The following DNAAF11 variants were observed in gnomAD, a reference collection of about 807,000 sequenced individuals.
The protein encoded by DNAAF11 is leucine rich repeat containing 6.
Under a neutral mutation model 60.8 loss-of-function variants are expected in DNAAF11, and 45 were observed. That is an observed-to-expected ratio of 0.74 (90% CI 0.58 to 0.95). The LOEUF is 0.95. Among genes scored for constraint, DNAAF11 ranks in the 40% least tolerant of loss-of-function variants. DNAAF11 has a pLI of 0.00. For synonymous variants in DNAAF11, 191 were observed against 183.5 expected (o/e 1.04, Z -0.33); for missense variants, 546 against 546.2 (o/e 1.00, Z 0.00).
chr8:132,656,113 A>C (rs1186657716), intron 3 of DNAAF11, among the ~76,000 whole-genome samples: 1 of 152,252 alleles, frequency 6.6e-6, no homozygotes, highest in Non-Finnish European at 1.5e-5. Flanking sequence ...GTCCATCTGC[A>C]GACAGATGGT....
the DNAAF11 span, among the ~76,000 whole-genome samples, chr8:132,683,519 C>A: frequency 2.6e-5 from 4 of 152,104 alleles, no homozygotes; most frequent in South Asian, 6.2e-4. Context: ...GGTCTTCTGG[C>A]CTGTTTTCTT....
At chr8:132,617,236 G>A (rs528485559) in intron 7 of DNAAF11, among the ~76,000 whole-genome samples, 1 of 152,262 alleles carries the variant, frequency 6.6e-6, no homozygotes, top group African/African-American at 2.4e-5. Context: ...TTTGGTGAGA[G>A]CCATGAAGAG....
chr8:132,643,308 C>T (rs1822041917), intron 3 of DNAAF11: 1 of 195,912 alleles, frequency 5.1e-6, no homozygotes, highest in Admixed American at 5.4e-5. Flanking sequence ...TTCTGTGGAA[C>T]ACATACTTAA....
chr8:132,627,656 T>C (rs199608768), intron 5 of DNAAF11, among the ~76,000 whole-genome samples: 307 of 152,276 alleles, frequency 2.0e-3, no homozygotes, highest in Non-Finnish European at 3.6e-3. Flanking sequence ...TGTTCCAGAT[T>C]GGGGTGTGCA....
intron 3 of DNAAF11, among the ~76,000 whole-genome samples, chr8:132,648,933 G>A (rs1822701140): frequency 6.6e-6 from 1 of 152,148 alleles, no homozygotes; most frequent in Non-Finnish European, 1.5e-5. Flanking sequence ...TGGCCATACT[G>A]CCCAAGGCAA....
At chr8:132,664,794 G>T (rs183613039) in intron 1 of DNAAF11, among the ~76,000 whole-genome samples, 4 of 152,178 alleles carry the variant, frequency 2.6e-5, no homozygotes, top group Admixed American at 2.6e-4. Context: ...GGTATTACGT[G>T]TGTAAAACCA....
intron 2 of DNAAF11, among the ~76,000 whole-genome samples, chr8:132,660,431 C>T (rs888503469): frequency 6.6e-6 from 1 of 152,182 alleles, no homozygotes; most frequent in Non-Finnish European, 1.5e-5. Context: ...AAGTAACTGA[C>T]TTGTCAAATT....
chr8:132,688,342 T>C, the DNAAF11 span, among the ~76,000 whole-genome samples: 7 of 152,326 alleles, frequency 4.6e-5, no homozygotes, highest in South Asian at 6.2e-4. Context: ...TCTGCCTACC[T>C]GGCATCCATT....
intron 9 of DNAAF11, among the ~76,000 whole-genome samples, chr8:132,611,036 G>A (rs896112939): frequency 2.0e-5 from 3 of 151,884 alleles, no homozygotes; most frequent in Admixed American, 6.6e-5. Context: ...CTGGGATTAC[G>A]GGCATGAGCC....
At chr8:132,645,039 G>A (rs992320360) in intron 3 of DNAAF11, among the ~76,000 whole-genome samples, 1 of 152,190 alleles carries the variant, frequency 6.6e-6, no homozygotes, top group African/African-American at 2.4e-5. Context: ...GCCTCCTCAA[G>A]TGGGTCCCTG....
At chr8:132,605,690 G>T (rs1818055779) in intron 10 of DNAAF11, among the ~76,000 whole-genome samples, 1 of 152,182 alleles carries the variant, frequency 6.6e-6, no homozygotes, top group African/African-American at 2.4e-5. Flanking sequence ...AGGAACAGGG[G>T]ATACAGAATG....
At chr8:132,668,708 C>T (rs2130867346) in intron 1 of DNAAF11, among the ~76,000 whole-genome samples, 1 of 152,214 alleles carries the variant, frequency 6.6e-6, no homozygotes, top group Non-Finnish European at 1.5e-5. Flanking sequence ...TCCCAAAGGG[C>T]TGGAATTACA....
chr8:132,621,050 G>A (rs1319152409), intron 7 of DNAAF11, among the ~76,000 whole-genome samples: 1 of 152,160 alleles, frequency 6.6e-6, no homozygotes, highest in Non-Finnish European at 1.5e-5. Context: ...ACAGGGCTGG[G>A]GTTGAGGGTT....
At chr8:132,654,879 G>C (rs1823392881) in intron 3 of DNAAF11, among the ~76,000 whole-genome samples, 1 of 151,612 alleles carries the variant, frequency 6.6e-6, no homozygotes, top group African/African-American at 2.4e-5. Context: ...AGAAAAAAGA[G>C]AAAACACAAA....
intron 3 of DNAAF11, among the ~76,000 whole-genome samples, chr8:132,639,894 G>A (rs1821689781): frequency 6.6e-6 from 1 of 152,006 alleles, no homozygotes; most frequent in South Asian, 2.1e-4. Context: ...TCACATTTAT[G>A]TCTAACATAG....
chr8:132,672,929 C>T (rs1336834734), intron 1 of DNAAF11, among the ~76,000 whole-genome samples: 3 of 152,164 alleles, frequency 2.0e-5, no homozygotes, highest in African/African-American at 4.8e-5. Context: ...CTCTCGAGCA[C>T]GGTCTCTCTA....
chr8:132,649,150 G>A (rs1177341879), intron 3 of DNAAF11, among the ~76,000 whole-genome samples: 1 of 152,102 alleles, frequency 6.6e-6, no homozygotes, highest in Non-Finnish European at 1.5e-5. Flanking sequence ...AAACAGCATG[G>A]TACTGGTACC....
chr8:132,647,528 G>A (rs887588629), intron 3 of DNAAF11, among the ~76,000 whole-genome samples: 7 of 152,256 alleles, frequency 4.6e-5, no homozygotes, highest in South Asian at 2.1e-4. Flanking sequence ...AGAACTGAAG[G>A]AGACAGAAAC....
intron 10 of DNAAF11, among the ~76,000 whole-genome samples, chr8:132,585,156 CATCT>C (rs1815755204): frequency 2.0e-5 from 3 of 152,148 alleles, no homozygotes. Flanking sequence ...AATGATTCCC[CATCT>C]GAGACCCCAG....
Sources: allele counts gnomAD v4.1 joint callset (sites outside exome capture counted in the v4.1 genomes callset), GRCh38; gene constraint gnomAD v4.1.1; transcripts MANE v1.5; gene names NCBI Gene and HGNC (gene_info 2026-07-23, HGNC 2026-07-21).